The following PPP1CC variants were observed in gnomAD, a reference collection of about 807,000 sequenced individuals.
The protein encoded by PPP1CC is protein phosphatase 1 catalytic subunit gamma.
A neutral mutation model predicts 38.4 loss-of-function variants in PPP1CC; 16 were observed. The observed-to-expected ratio is 0.42, with a 90% CI of 0.28 to 0.63. PPP1CC has a LOEUF of 0.63. PPP1CC is among the 30% of genes least tolerant of loss of function. The pLI is 0.25. For synonymous variants in PPP1CC, 158 were observed against 136.0 expected, an observed-to-expected ratio of 1.16 and a Z score of -1.13; for missense variants, 170 against 391.3, an observed-to-expected ratio of 0.43 and a Z score of 4.77.
At chr12:110,721,459 GA>G in intron 6 of PPP1CC, 3 of 223,940 alleles carry the variant, frequency 1.3e-5, no homozygotes, top group Non-Finnish European at 2.6e-5. Context: ...TGATACAGGG[GA>G]AAAAGTTCTT....
intron 1 of PPP1CC, 126 bp downstream of exon 1, chr12:110,742,527 C>G (rs2136574429): frequency 1.3e-6 from 1 of 780,038 alleles, no homozygotes; most frequent in East Asian, 3.4e-5. Flanking sequence ...TGGGCCAACT[C>G]GAGGAGCTCA....
chr12:110,742,046 GAAC>G (rs1347527791), intron 1 of PPP1CC, among the ~76,000 whole-genome samples: 1 of 152,118 alleles, frequency 6.6e-6, no homozygotes, highest in African/African-American at 2.4e-5. Flanking sequence ...TCCAAGATTA[GAAC>G]AACTTAAAAG....
At chr12:110,725,603 CAGAAATATGCCTCTATGCA>C (rs2136544473) in intron 3 of PPP1CC, 1 of 152,378 alleles carries the variant, frequency 6.6e-6, no homozygotes, top group African/African-American at 2.4e-5. Flanking sequence ...GCAGTTCTGA[CAGAAATATGCCTCTATGCA>C]CTGTTTCTAC....
At chr12:110,728,751 C>T (rs986843482) in intron 3 of PPP1CC, among the ~76,000 whole-genome samples, 1 of 152,182 alleles carries the variant, frequency 6.6e-6, no homozygotes, top group African/African-American at 2.4e-5. Context: ...TCAGTCAGTC[C>T]AGAACCCATA....
At position 110,723,000 on chromosome 12, in the gene PPP1CC, CT is replaced by C. The variant is rs1214532983; in HGVS notation, c.524-306del. On this transcript the variant is annotated intron_variant, in intron 4 of 6. Coordinates refer to ENST00000335007, the MANE Select transcript of PPP1CC (RefSeq NM_002710.4). The surrounding 1 kb of genome is among the most constrained non-coding windows in gnomAD (Gnocchi z 5.4). ...GTGATTTAAAAAACTCTTCTATGGG[CT>C]TCCCCCAGTTGATGACAATAATGAG... Among the ~76,000 whole-genome samples the C allele has an allele frequency of 6.6e-6, 1 of 152,206 alleles. No homozygotes were observed. Among genetic ancestry groups the C allele is most frequent in the Non-Finnish European group, 1.5e-5 (1 of 68,036 alleles).
At chr12:110,713,294 G>A in the PPP1CC span, among the ~76,000 whole-genome samples, 27 of 151,970 alleles carry the variant, frequency 1.8e-4, no homozygotes, top group Non-Finnish European at 3.2e-4. Context: ...TGCCACGCCC[G>A]GCTAATTATT....
intron 3 of PPP1CC, chr12:110,726,759 G>A (rs1384191665): frequency 6.6e-6 from 1 of 152,090 alleles, no homozygotes; most frequent in Non-Finnish European, 1.5e-5. Flanking sequence ...TTGGATTAGG[G>A]ATGTTTAACC....
At chr12:110,731,061 T>TA (rs1375616398) in intron 2 of PPP1CC, among the ~76,000 whole-genome samples, 1 of 152,202 alleles carries the variant, frequency 6.6e-6, no homozygotes, top group Non-Finnish European at 1.5e-5. Flanking sequence ...CCAAGTAACA[T>TA]GGTATCCCTT....
At chr12:110,716,618 C>T (rs61942636), downstream of PPP1CC, among the ~76,000 whole-genome samples, 30 of 152,118 alleles carry the variant, frequency 2.0e-4, no homozygotes, top group African/African-American at 7.0e-4. Flanking sequence ...CTCCCAATCA[C>T]GCTGGAATTA....
chr12:110,711,333 G>T, the PPP1CC span, among the ~76,000 whole-genome samples: 41 of 150,658 alleles, frequency 2.7e-4, no homozygotes, highest in Admixed American at 1.2e-3. Context: ...AAGATCTCTT[G>T]AGGCCAGGAG....
chr12:110,725,352 G>A (rs1429690577), intron 3 of PPP1CC: 1 of 152,270 alleles, frequency 6.6e-6, no homozygotes, highest in Non-Finnish European at 1.5e-5. Flanking sequence ...GAGGAAACCT[G>A]AGAGTTAGCA....
intron 3 of PPP1CC, among the ~76,000 whole-genome samples, chr12:110,728,195 C>T (rs954547049): frequency 5.9e-5 from 9 of 151,612 alleles, no homozygotes; most frequent in Middle Eastern, 3.4e-3. Context: ...GTCAGGAGAT[C>T]GAGACCATCC....
chr12:110,738,387 A>G (rs1171605353), intron 1 of PPP1CC, among the ~76,000 whole-genome samples: 1 of 152,188 alleles, frequency 6.6e-6, no homozygotes, highest in African/African-American at 2.4e-5. Flanking sequence ...TGACACCCAG[A>G]ATATTATCTC....
the PPP1CC span, among the ~76,000 whole-genome samples, chr12:110,714,115 A>G: frequency 6.6e-6 from 1 of 152,100 alleles, no homozygotes; most frequent in Admixed American, 6.5e-5. Flanking sequence ...AAACGAAAAC[A>G]AAAAAACTTT....
chr12:110,714,403 T>G, the PPP1CC span, among the ~76,000 whole-genome samples: 1 of 152,054 alleles, frequency 6.6e-6, no homozygotes, highest in Non-Finnish European at 1.5e-5. Flanking sequence ...ACGCTGAATC[T>G]GGGTCCTTCA....
the PPP1CC span, among the ~76,000 whole-genome samples, chr12:110,713,441 A>G: frequency 3.6e-4 from 55 of 152,206 alleles, no homozygotes; most frequent in African/African-American, 1.3e-3. Context: ...CCATGTGTTG[A>G]CTTTCTACTT....
chr12:110,724,812 C>T (rs1458381720), intron 3 of PPP1CC, 48 bp from the exon 4 acceptor site: 2 of 1,132,522 alleles, frequency 1.8e-6, no homozygotes, highest in Non-Finnish European at 2.6e-6. Flanking sequence ...TATTACTGTT[C>T]CGTAGGCTCA....
Position 110,720,859 on chromosome 12 carries a change from G to A in PPP1CC, c.*217C>T, listed in dbSNP as rs1290980208. 17 of 437,154 alleles carry A rather than the reference G, an allele frequency of 3.9e-5. No individual in the cohort carries two copies. The South Asian group carries it at 4.8e-4, about 12-fold the overall frequency. The allele number at this position is 437,154 out of a possible 1,614,324, so 27.1% of individuals were successfully genotyped here. ...ATTAAAATTGTTTGCAAAAGGAACA[G>A]AGAATTAAAAAACAAAACACTTTTC... On this transcript the variant is annotated 3_prime_UTR_variant, in exon 7 of 7. Transcript: ENST00000335007.
At chr12:110,711,491 C>T in the PPP1CC span, among the ~76,000 whole-genome samples, 3 of 152,146 alleles carry the variant, frequency 2.0e-5, no homozygotes, top group South Asian at 2.1e-4. Flanking sequence ...TCATGGTTAA[C>T]TCTCGAGGGA....
Sources: allele counts gnomAD v4.1 joint callset (sites outside exome capture counted in the v4.1 genomes callset), GRCh38; gene constraint gnomAD v4.1.1; non-coding constraint Gnocchi (gnomAD v3.1); transcripts MANE v1.5; gene names NCBI Gene and HGNC (gene_info 2026-07-23, HGNC 2026-07-21).